BRIP1: variants seen among roughly 807,000 people sequenced by gnomAD.
The protein encoded by BRIP1 is BRCA1 interacting DNA helicase 1.
In BRIP1, 88 loss-of-function variants were observed where a neutral mutation model predicts 119.7. The observed-to-expected ratio is 0.74, with a 90% CI of 0.62 to 0.88. The LOEUF (loss-of-function observed/expected upper bound fraction) is 0.88, where lower values mean the gene tolerates loss of function less well. Among genes scored for constraint, BRIP1 ranks in the 40% least tolerant of loss-of-function variants. The probability of loss-of-function intolerance (pLI) is 0.00; values close to 1 mark genes in which losing one functional copy is unlikely to be tolerated. For missense variants in BRIP1, 1,259 were observed against 1,455.4 expected (o/e 0.87, Z 2.20); for synonymous variants, 443 against 496.5 (o/e 0.89, Z 1.43).
Position 61,769,468 on chromosome 17 carries a change from T to G in BRIP1, c.2097+6933A>C, listed in dbSNP as rs1276009607. Among the ~76,000 whole-genome samples, 1 of 152,182 alleles carries G rather than the reference T, an allele frequency of 6.6e-6. No individual in the cohort carries two copies. Among genetic ancestry groups the G allele is most frequent in the Non-Finnish European group, 1.5e-5 (1 of 68,042 alleles). ...CTAGATGGCATAATATTAATACATT[T>G]AATAACTGTAGTCACTGTACTATGT... On this transcript the variant is annotated intron_variant, in intron 14 of 19. Transcript: ENST00000259008. The surrounding 1 kb of genome is among the most constrained non-coding windows in gnomAD (Gnocchi z 4.9).
rs972496092 is a variant in BRIP1, at chr17:61,795,787, G to A, written c.1341-2058C>T. 1.3e-5 allele frequency among the ~76,000 whole-genome samples: 2 copies of A among 152,084 alleles called. No homozygotes were observed. The highest frequency in any genetic ancestry group is 2.9e-5 in the Non-Finnish European group (2 of 67,994). ...TATATATCTAGCAGTGGGATTGCTG[G>A]ATCGTTTGGTAGCTCTATTTTAAGT... On this transcript the variant is annotated intron_variant, in intron 9 of 19. Transcript: ENST00000259008. This position sits in a 1 kb window ranked among gnomAD's most constrained non-coding sequence, Gnocchi z 5.6.
chr17:61,855,757 T>A (rs1438134527), intron 4 of BRIP1, among the ~76,000 whole-genome samples: 2 of 152,258 alleles, frequency 1.3e-5, no homozygotes, highest in East Asian at 1.9e-4. Flanking sequence ...ACCTACCATA[T>A]GCCAGGCACC....
intron 18 of BRIP1, among the ~76,000 whole-genome samples, chr17:61,692,519 A>C (rs1367682675): frequency 1.3e-5 from 2 of 152,178 alleles, no homozygotes; most frequent in Non-Finnish European, 2.9e-5. Flanking sequence ...TATGCAAAGA[A>C]ATCCAAATAA....
In BRIP1 at chr17:61,846,228, GAGAGAGAGAGAGAGAAAA is replaced by G. The variant is rs553960556; in HGVS notation, c.627+855_627+872del. ...AAATTTAAAAAATTATATACATATA[GAGAGAGAGAGAGAGAAAA>G]AGAGAGAGAGAGAGAAAGAGAGAGA... is the stretch of plus-strand genomic sequence containing the variant. On this transcript the variant is annotated intron_variant, in intron 6 of 19. Transcript: ENST00000259008. This position sits in a 1 kb window ranked among gnomAD's most constrained non-coding sequence, Gnocchi z 4.3. Among the ~76,000 whole-genome samples, 15,707 of 143,682 alleles carry G rather than the reference GAGAGAGAGAGAGAGAAAA, an allele frequency of 0.11. 2,743 individuals carry two copies. Among genetic ancestry groups the G allele is most frequent in the African/African-American group, 0.37 (14,733 of 40,252 alleles). The allele number at this position is 143,682 out of a possible 152,430, so 94.3% of individuals were successfully genotyped here. A position where few individuals can be genotyped will look rare whatever the true frequency, so the allele number is the denominator to read the frequency against.
rs1456177768 is a variant in BRIP1, at chr17:61,742,116, T to C, written c.2379+897A>G. On this transcript the variant is annotated intron_variant, in intron 16 of 19. Coordinates refer to ENST00000259008, the MANE Select transcript of BRIP1 (RefSeq NM_032043.3). This position sits in a 1 kb window ranked among gnomAD's most constrained non-coding sequence, Gnocchi z 4.7. The stretch of plus-strand genomic sequence containing the variant: ...TGCTGCATTAACTTGCACTTTTAAG[T>C]TATGGAGATAGCTTCTTTCCTTAAA... 6.6e-6 allele frequency among the ~76,000 whole-genome samples: 1 copy of C among 152,246 alleles called. No individual in the cohort carries two copies. The highest frequency in any genetic ancestry group is 1.5e-5 in the Non-Finnish European group (1 of 68,036).
Position 61,687,430 on chromosome 17 carries a change from TG to T in BRIP1, c.2576-1266del, listed in dbSNP as rs72148749. On this transcript the variant is annotated intron_variant, in intron 18 of 19. Transcript: ENST00000259008. This position sits in a 1 kb window ranked among gnomAD's most constrained non-coding sequence, Gnocchi z 5.1. The stretch of plus-strand genomic sequence containing the variant: ...AGCATTTTTGCCTTTAGTTACTGTT[TG>T]ACCTATGCTACTGCACACTTTACGT... Among the ~76,000 whole-genome samples the T allele has an allele frequency of 0.033, 4,988 of 152,178 alleles. 315 individuals are homozygous for T. Among genetic ancestry groups the T allele is most frequent in the African/African-American group, 0.11 (4,734 of 41,482 alleles).
In BRIP1 at chr17:61,738,504, AC is replaced by A. The variant is rs551718651; in HGVS notation, c.2379+4508del. ...CTTCTGTTATTTTGCTGTTTTATGC[AC>A]ATAAGCAGAACTATGACAAATAGGA... On this transcript the variant is annotated intron_variant, in intron 16 of 19. Transcript: ENST00000259008. The surrounding 1 kb of genome is among the most constrained non-coding windows in gnomAD (Gnocchi z 4.2). 9.8e-4 allele frequency among the ~76,000 whole-genome samples: 149 copies of A among 152,268 alleles called. 1 individual carries two copies. Among genetic ancestry groups the A allele is most frequent in the Admixed American group, 2.7e-3 (42 of 15,286 alleles).
intron 17 of BRIP1, among the ~76,000 whole-genome samples, chr17:61,697,518 C>T (rs1159298415): frequency 6.6e-6 from 1 of 151,988 alleles, no homozygotes; most frequent in Non-Finnish European, 1.5e-5. Flanking sequence ...AACATCCCCT[C>T]TTTCATTTCT....
intron 16 of BRIP1, among the ~76,000 whole-genome samples, chr17:61,731,681 T>TA (rs1321481848): frequency 3.3e-5 from 5 of 152,184 alleles, no homozygotes; most frequent in Admixed American, 2.6e-4. Flanking sequence ...TCAGGTTAAA[T>TA]ATCACTTCCT....
At chr17:61,782,040 T>C (rs193002005) in intron 11 of BRIP1, among the ~76,000 whole-genome samples, 1 of 152,094 alleles carries the variant, frequency 6.6e-6, no homozygotes, top group East Asian at 1.9e-4. Context: ...ACTTAACAAC[T>C]GTGGAGAGAA....
chr17:61,857,009 T>G lies in BRIP1; in HGVS notation c.379+49A>C, dbSNP rs898522731. ...AATTAGGGCTTATAACAGTAATAAT[T>G]AAGACTCTTATTACAGATATCAACT... On this transcript the variant is annotated intron_variant, in intron 4 of 19. Coordinates refer to ENST00000259008, the MANE Select transcript of BRIP1 (RefSeq NM_032043.3). The surrounding 1 kb of genome is among the most constrained non-coding windows in gnomAD (Gnocchi z 5.1). The G allele has an allele frequency of 6.5e-7, 1 of 1,528,934 alleles. No homozygotes were observed. Among genetic ancestry groups the G allele is most frequent in the Admixed American group, 1.7e-5 (1 of 59,880 alleles). The allele number at this position is 1,528,934 out of a possible 1,614,324, so 94.7% of individuals were successfully genotyped here. A position where few individuals can be genotyped will look rare whatever the true frequency, so the allele number is the denominator to read the frequency against.
chr17:61,758,751 G>A lies in BRIP1; in HGVS notation c.2098-14160C>T, dbSNP rs574514586. Among the ~76,000 whole-genome samples the A allele has an allele frequency of 6.6e-6, 1 of 152,004 alleles. No homozygotes were observed. The highest frequency in any genetic ancestry group is 2.4e-5 in the African/African-American group (1 of 41,388). On this transcript the variant is annotated intron_variant, in intron 14 of 19. Transcript: ENST00000259008. This position sits in a 1 kb window ranked among gnomAD's most constrained non-coding sequence, Gnocchi z 5.3. ...TGTAATTCCAGCACTTTAGGAGGCT[G>A]AGGCAGAAGGATTGCTTGAGGCCAA...
intron 6 of BRIP1, among the ~76,000 whole-genome samples, chr17:61,836,094 A>C (rs2078568356): frequency 1.4e-5 from 2 of 147,422 alleles, no homozygotes; most frequent in Non-Finnish European, 3.0e-5. Flanking sequence ...GGTTTTTCAA[A>C]AAATGTTATT....
At chr17:61,697,553 TG>T (rs2061548722) in intron 17 of BRIP1, among the ~76,000 whole-genome samples, 1 of 151,996 alleles carries the variant, frequency 6.6e-6, no homozygotes, top group Non-Finnish European at 1.5e-5. Context: ...AGAACTTCTC[TG>T]TATTTTCTTT....
Position 61,762,079 on chromosome 17 carries a change from A to G in BRIP1, c.2097+14322T>C, listed in dbSNP as rs144175979. Among the ~76,000 whole-genome samples, 105 of 152,220 alleles carry G rather than the reference A, an allele frequency of 6.9e-4. 1 individual carries two copies. The East Asian group carries it at 0.019, about 28-fold the overall frequency. On this transcript the variant is annotated intron_variant, in intron 14 of 19. Transcript: ENST00000259008. The surrounding 1 kb of genome is among the most constrained non-coding windows in gnomAD (Gnocchi z 4.3). ...AAACAGCCACAGTGACCAACGAAAC[A>G]AAGAGCACAGAAAGAAACCCATGTA...
rs2078446436 is a variant in BRIP1 at position 61,828,770 on chromosome 17, A to G, written c.627+18331T>C. On this transcript the variant is annotated intron_variant, in intron 6 of 19. Transcript: ENST00000259008. This position sits in a 1 kb window ranked among gnomAD's most constrained non-coding sequence, Gnocchi z 4.1. ...TGTACATAGCTGATGATTTAAACTA[A>G]AAATAACAAAACACTGTGAGGGCTA... Among the ~76,000 whole-genome samples, 1 of 152,188 alleles carries G rather than the reference A, an allele frequency of 6.6e-6. No homozygotes were observed. Among genetic ancestry groups the G allele is most frequent in the African/African-American group, 2.4e-5 (1 of 41,448 alleles).
intron 3 of BRIP1, among the ~76,000 whole-genome samples, chr17:61,858,801 T>A (rs2078934331): frequency 6.6e-6 from 1 of 152,224 alleles, no homozygotes; most frequent in African/African-American, 2.4e-5. Flanking sequence ...GTTAAAGCCA[T>A]CTAATGTAAC....
Position 61,713,986 on chromosome 17 carries a change from AG to A in BRIP1, c.2492+1964del, listed in dbSNP as rs2061820308. 6.6e-6 allele frequency among the ~76,000 whole-genome samples: 1 copy of A among 152,052 alleles called. No homozygotes were observed. On this transcript the variant is annotated intron_variant, in intron 17 of 19. Coordinates refer to ENST00000259008, the MANE Select transcript of BRIP1 (RefSeq NM_032043.3). This position sits in a 1 kb window ranked among gnomAD's most constrained non-coding sequence, Gnocchi z 4.9. The stretch of plus-strand genomic sequence containing the variant: ...AAAAGAGTCAAAAAGGTAAAAAAAA[AG>A]ATAAAAAGATAAAAAGTTTATAAAG...
chr17:61,790,120 C>G (rs1170954157), intron 10 of BRIP1, among the ~76,000 whole-genome samples: 1 of 152,214 alleles, frequency 6.6e-6, no homozygotes, highest in African/African-American at 2.4e-5. Flanking sequence ...TTCAAACCCC[C>G]ACATAGTTGT....
Sources: allele counts gnomAD v4.1 joint callset (sites outside exome capture counted in the v4.1 genomes callset), GRCh38; gene constraint gnomAD v4.1.1; non-coding constraint Gnocchi (gnomAD v3.1); transcripts MANE v1.5; gene names NCBI Gene and HGNC (gene_info 2026-07-23, HGNC 2026-07-21).